The following CLCA4 variants were observed in gnomAD, a reference collection of about 807,000 sequenced individuals.
CLCA4 encodes the protein calcium-activated chloride channel regulator 4.
Under a neutral mutation model 78.9 loss-of-function variants are expected in CLCA4, and 69 were observed. That is an observed-to-expected ratio of 0.87 (90% CI 0.72 to 1.07). The LOEUF (loss-of-function observed/expected upper bound fraction) is 1.07, where lower values mean the gene tolerates loss of function less well. Among genes scored for constraint, CLCA4 ranks in the 50% least tolerant of loss-of-function variants. CLCA4 has a pLI of 0.00. For synonymous variants in CLCA4, 362 were observed against 375.8 expected (o/e 0.96, Z 0.42); for missense variants, 1,133 against 1,095.8 (o/e 1.03, Z -0.48).
At chr1:86,574,460 C>T (rs1051824364) in intron 9 of CLCA4, 80 bp from the exon 10 acceptor site, 1 of 1,161,270 alleles carries the variant, frequency 8.6e-7, no homozygotes, top group Non-Finnish European at 1.3e-6. Flanking sequence ...TGTTCTCAGG[C>T]CAGAAATTAA....
intron 7 of CLCA4, among the ~76,000 whole-genome samples, chr1:86,570,713 T>C (rs2101811609): frequency 6.6e-6 from 1 of 152,196 alleles, no homozygotes; most frequent in East Asian, 1.9e-4. Context: ...TGTCAGAAGG[T>C]AGTCCAGTCA....
At chr1:86,573,740 A>G (rs532853974) in intron 9 of CLCA4, among the ~76,000 whole-genome samples, 33 of 152,182 alleles carry the variant, frequency 2.2e-4, no homozygotes, top group East Asian at 3.9e-4. Flanking sequence ...TGAGGTTGCC[A>G]TCATCGTTGA....
chr1:86,567,814 G>A (rs1230638081), intron 7 of CLCA4, among the ~76,000 whole-genome samples, 163 bp downstream of exon 7: 1 of 151,902 alleles, frequency 6.6e-6, no homozygotes, highest in African/African-American at 2.4e-5. Flanking sequence ...ATGTTTTAAT[G>A]GATCAGTGAA....
At chr1:86,562,056 G>T (rs1198880139) in intron 3 of CLCA4, among the ~76,000 whole-genome samples, 3 of 151,994 alleles carry the variant, frequency 2.0e-5, no homozygotes, top group Non-Finnish European at 4.4e-5. Flanking sequence ...GGCTGCCATA[G>T]CACATATTAA....
intron 1 of CLCA4, among the ~76,000 whole-genome samples, chr1:86,558,561 A>C (rs1484689328): frequency 1.3e-5 from 2 of 152,160 alleles, no homozygotes; most frequent in African/African-American, 4.8e-5. Flanking sequence ...ATAAAGGAAA[A>C]GATTTCATTA....
At chr1:86,563,945 T>C (rs1650099445) in intron 4 of CLCA4, among the ~76,000 whole-genome samples, 176 bp downstream of exon 4, 2 of 152,142 alleles carry the variant, frequency 1.3e-5, no homozygotes, top group African/African-American at 4.8e-5. Flanking sequence ...ACATACATAA[T>C]TTCAATGGCA....
At chr1:86,563,205 A>G (rs1297550834) in intron 3 of CLCA4, among the ~76,000 whole-genome samples, 1 of 149,488 alleles carries the variant, frequency 6.7e-6, no homozygotes. Flanking sequence ...ACACATCTTT[A>G]TATTTTTTAA....
chr1:86,577,814 G>A, intron 11 of CLCA4, 88 bp from the exon 12 acceptor site: 3 of 960,284 alleles, frequency 3.1e-6, no homozygotes, highest in Non-Finnish European at 4.7e-6. Context: ...GCCTAATCTA[G>A]AGGATATGCT....
intron 1 of CLCA4, among the ~76,000 whole-genome samples, chr1:86,555,824 C>T (rs528603256): frequency 1.8e-4 from 28 of 152,258 alleles, no homozygotes; most frequent in African/African-American, 6.5e-4. Flanking sequence ...TTCTTCCTAT[C>T]GATGAGCATG....
At chr1:86,553,661 A>G (rs6576843) in intron 1 of CLCA4, among the ~76,000 whole-genome samples, 141,996 of 152,316 alleles carry the variant, frequency 0.93, 66,341 homozygotes, top group East Asian at 1. Flanking sequence ...CGGCCCGGGC[A>G]TGGTGACTCA....
intron 1 of CLCA4, among the ~76,000 whole-genome samples, chr1:86,556,281 A>T (rs1407114642): frequency 5.9e-5 from 9 of 152,198 alleles, no homozygotes; most frequent in Non-Finnish European, 1.3e-4. Flanking sequence ...GTCTTGTGCC[A>T]GTTTTCAAAG....
intron 13 of CLCA4, 101 bp from the exon 14 acceptor site, chr1:86,579,841 A>T: frequency 1.2e-6 from 1 of 852,400 alleles, no homozygotes; most frequent in South Asian, 1.8e-5. Context: ...AAGGCTTTTG[A>T]TCTATCTGCT....
At chr1:86,551,822 A>G (rs937534766) in intron 1 of CLCA4, among the ~76,000 whole-genome samples, 1 of 152,234 alleles carries the variant, frequency 6.6e-6, no homozygotes, top group Non-Finnish European at 1.5e-5. Context: ...TTACACATAA[A>G]TAGACATAAA....
At chr1:86,550,966 G>T (rs1239964768) in intron 1 of CLCA4, among the ~76,000 whole-genome samples, 3 of 151,364 alleles carry the variant, frequency 2.0e-5, no homozygotes, top group African/African-American at 7.3e-5. Context: ...CGAGTGGCTG[G>T]GATTACAGGC....
At chr1:86,552,038 T>C (rs1303666262) in intron 1 of CLCA4, among the ~76,000 whole-genome samples, 2 of 152,208 alleles carry the variant, frequency 1.3e-5, no homozygotes, top group South Asian at 2.1e-4. Flanking sequence ...ACCGTAGTGA[T>C]GCCCACTGCA....
chr1:86,556,389 G>A (rs140409147), intron 1 of CLCA4, among the ~76,000 whole-genome samples: 39 of 150,948 alleles, frequency 2.6e-4, no homozygotes, highest in African/African-American at 8.9e-4. Flanking sequence ...CAATACCTAC[G>A]TTATTGTGGT....
In CLCA4 at chr1:86,579,621, G is replaced by C. The variant is rs1384272221; in HGVS notation, c.2356+34G>C. 3 of 901,744 alleles carry C rather than the reference G, an allele frequency of 3.3e-6. No individual in the cohort carries two copies. The African/African-American group carries it at 5.1e-5, about 15-fold the overall frequency. The allele number at this position is 901,744 out of a possible 1,614,324, so 55.9% of individuals were successfully genotyped here. A position where few individuals can be genotyped will look rare whatever the true frequency, so the allele number is the denominator to read the frequency against. ...GAAGTGTCATGTGATTTTGACTTAA[G>C]TAAAAGGTGCTAATTGCAAAAACAG... On this transcript the variant is annotated intron_variant, in intron 13 of 13. Transcript: ENST00000370563.
Position 86,563,672 on chromosome 1 carries a change from G to A in CLCA4, c.460G>A (p.Val154Ile), listed in dbSNP as rs148388077. 24 of 1,585,096 alleles carry A rather than the reference G, an allele frequency of 1.5e-5. No homozygotes were observed. In the African/African-American group the frequency reaches 2.8e-4, roughly 19 times the overall value. The change falls in exon 4 of 14, where the codon GTC (valine) becomes ATC (isoleucine). Residue 154 changes from valine to isoleucine, a missense_variant. Physicochemically the swap from Val to Ile is conservative, Grantham distance 29. Transcript: ENST00000370563. ...NEYGPPGKLF[V>I]HEWAHLRWGV... ...ATGCTTTCCCACAGGCAAACTGTTTGTCCATGAGTGGGCTCACCTCCGGTG... is the reference window on the plus strand; with the variant it reads ...ATGCTTTCCCACAGGCAAACTGTTTATCCATGAGTGGGCTCACCTCCGGTG...
At position 86,575,551 on chromosome 1, in the gene CLCA4, T is replaced by C. The variant is rs1338244502; in HGVS notation, c.1903T>C (p.Ser635Pro). The C allele has an allele frequency of 1.9e-6, 3 of 1,613,264 alleles. No homozygotes were observed. The highest frequency in any genetic ancestry group is 2.5e-6 in the Non-Finnish European group (3 of 1,179,564). Residue 635 changes from serine (S) to proline (P), a missense_variant, in exon 11 of 14, where the codon TCA becomes CCA. By Grantham distance (74) the Ser-to-Pro change is moderately conservative (BLOSUM62 -1). Transcript: ENST00000370563. ...AGCCAATGTGACTGCTTTCATTGAA[T>C]CACAGAATGGACATACAGAAGTTTT... The part of the protein sequence containing the change: ...LGANVTAFIE[S>P]QNGHTEVLEL...
Sources: allele counts gnomAD v4.1 joint callset (sites outside exome capture counted in the v4.1 genomes callset), GRCh38; gene constraint gnomAD v4.1.1; transcripts MANE v1.5; gene names NCBI Gene and HGNC (gene_info 2026-07-23, HGNC 2026-07-21).